Variants in RPS6KA2 observed in about 807,000 individuals in gnomAD.
The protein encoded by RPS6KA2 is ribosomal protein S6 kinase alpha-2.
In RPS6KA2, 42 loss-of-function variants were observed where a neutral mutation model predicts 91.8. That is an observed-to-expected ratio of 0.46 (90% CI 0.36 to 0.59). RPS6KA2 has a LOEUF of 0.59. RPS6KA2 is among the 20% of genes least tolerant of loss of function. RPS6KA2 has a pLI of 0.00. For missense variants in RPS6KA2, 798 were observed against 978.5 expected, an observed-to-expected ratio of 0.82 and a Z score of 2.46; for synonymous variants, 414 against 393.6, an observed-to-expected ratio of 1.05 and a Z score of -0.61.
chr6:166,518,151 G>C (rs957814083), intron 3 of RPS6KA2, among the ~76,000 whole-genome samples: 5 of 151,282 alleles, frequency 3.3e-5, no homozygotes, highest in African/African-American at 1.2e-4. Context: ...GCCAGGAATG[G>C]TGGTGTGCAC....
At chr6:166,590,461 G>C (rs1562327693) in intron 1 of RPS6KA2, among the ~76,000 whole-genome samples, 2 of 152,204 alleles carry the variant, frequency 1.3e-5, no homozygotes, top group Non-Finnish European at 2.9e-5. Context: ...GCCTGGCGAG[G>C]AGCATGACTT....
At position 166,668,592 on chromosome 6, in the gene RPS6KA2, C is replaced by T. The variant is rs567577399; in HGVS notation, c.124-129808G>A. 2.6e-5 allele frequency among the ~76,000 whole-genome samples: 4 copies of T among 152,206 alleles called. No individual in the cohort carries two copies. In the South Asian group the frequency reaches 8.3e-4, roughly 32 times the overall value. ...AGATGGTAACTGCAGGGAAGCAGCT[C>T]CTTAGACCGAGGGAAGAGGGTGGTG... On this transcript the variant is annotated intron_variant, in intron 2 of 21. Transcript: ENST00000503859.
intron 14 of RPS6KA2, chr6:166,440,060 C>T (rs1779470896): frequency 6.6e-6 from 1 of 152,198 alleles, no homozygotes; most frequent in Admixed American, 6.5e-5. Context: ...TGGACTTTAG[C>T]CCAGTGAGAC....
At chr6:166,689,772 G>A (rs532318294) in intron 2 of RPS6KA2, among the ~76,000 whole-genome samples, 1 of 152,366 alleles carries the variant, frequency 6.6e-6, no homozygotes, top group South Asian at 2.1e-4. Context: ...CTGTAGCTGA[G>A]TGAAGACAGC....
intron 12 of RPS6KA2, among the ~76,000 whole-genome samples, chr6:166,454,687 C>T (rs1780033050): frequency 6.6e-6 from 1 of 152,080 alleles, no homozygotes; most frequent in African/African-American, 2.4e-5. Flanking sequence ...GTAATGATTG[C>T]AGTGTGAGTC....
chr6:166,706,822 A>C, intron 2 of RPS6KA2, among the ~76,000 whole-genome samples: 1 of 152,240 alleles, frequency 6.6e-6, no homozygotes, highest in East Asian at 1.9e-4. Flanking sequence ...AGAGGGTGGG[A>C]TCGGGAGGAA....
intron 2 of RPS6KA2, among the ~76,000 whole-genome samples, chr6:166,773,236 G>T (rs2128607506): frequency 6.6e-6 from 1 of 152,334 alleles, no homozygotes. Flanking sequence ...GGTTGGAGAA[G>T]GAGGCAGGGA....
rs1464068029 is a variant in RPS6KA2 at position 166,554,545 on chromosome 6, C to G, written c.100-15761G>C. Among the ~76,000 whole-genome samples, 1 of 152,188 alleles carries G rather than the reference C, an allele frequency of 6.6e-6. No individual in the cohort carries two copies. Among genetic ancestry groups the G allele is most frequent in the African/African-American group, 2.4e-5 (1 of 41,446 alleles). The stretch of plus-strand genomic sequence containing the variant: ...CTGTGTGGGGACAGAGAGAAACATT[C>G]AGGGACAAAACCTAAGTCACGAGGT... On this transcript the variant is annotated intron_variant, in intron 1 of 20. Coordinates refer to ENST00000265678, the MANE Select transcript of RPS6KA2 (RefSeq NM_021135.6). This position sits in a 1 kb window ranked among gnomAD's most constrained non-coding sequence, Gnocchi z 4.3.
At chr6:166,857,076 G>A (rs945560044) in intron 2 of RPS6KA2, among the ~76,000 whole-genome samples, 3 of 152,158 alleles carry the variant, frequency 2.0e-5, no homozygotes, top group Non-Finnish European at 4.4e-5. Context: ...TTAACCAGTG[G>A]GCTATGTCAT....
At chr6:166,584,669 T>A (rs543220996) in intron 1 of RPS6KA2, among the ~76,000 whole-genome samples, 40 of 152,366 alleles carry the variant, frequency 2.6e-4, no homozygotes, top group Non-Finnish European at 5.0e-4. Context: ...GTGATTGTGA[T>A]CTTTTGCACT....
chr6:166,797,480 AG>A (rs1357263748), intron 2 of RPS6KA2, among the ~76,000 whole-genome samples: 4 of 152,206 alleles, frequency 2.6e-5, no homozygotes, highest in African/African-American at 9.7e-5. Context: ...TAACATAAAC[AG>A]CCTATTCACA....
At chr6:166,518,039 A>T (rs1007051004) in intron 3 of RPS6KA2, among the ~76,000 whole-genome samples, 14 of 152,088 alleles carry the variant, frequency 9.2e-5, no homozygotes, top group Admixed American at 2.0e-4. Context: ...GTGTGTCTTT[A>T]ATTCCTCTAG....
rs62438441 is a variant in RPS6KA2, at chr6:166,449,874, C to A, written c.1207-1025G>T. Among the ~76,000 whole-genome samples the A allele has an allele frequency of 3.8e-3, 462 of 122,752 alleles. 4 individuals carry two copies. The highest frequency in any genetic ancestry group is 0.012 in the African/African-American group (422 of 34,636). 80.5% of individuals were successfully genotyped at this position (122,752 alleles called of 152,430 possible). On this transcript the variant is annotated intron_variant, in intron 13 of 20. Transcript: ENST00000265678. ...GAGGACCACCATGGGAACCACCACG[C>A]GGACCACCATGGGACAACCACGAGG...
chr6:166,478,176 G>T (rs753787330), intron 10 of RPS6KA2, among the ~76,000 whole-genome samples: 11 of 152,228 alleles, frequency 7.2e-5, no homozygotes, highest in Non-Finnish European at 1.5e-4. Flanking sequence ...ACCTCAGAGG[G>T]AGTGGCAGAG....
At chr6:166,764,501 A>G (rs1434098906) in intron 2 of RPS6KA2, among the ~76,000 whole-genome samples, 2 of 152,040 alleles carry the variant, frequency 1.3e-5, no homozygotes, top group African/African-American at 4.8e-5. Context: ...AAGGAGTGAA[A>G]TCCAGCCACA....
chr6:166,468,856 T>TAAA (rs1554277712), intron 11 of RPS6KA2, among the ~76,000 whole-genome samples: 1 of 112,184 alleles, frequency 8.9e-6, no homozygotes, highest in Admixed American at 8.9e-5. Context: ...AGAGCGAGAC[T>TAAA]AAAAAAAAAA....
intron 4 of RPS6KA2, chr6:166,509,397 CCAGCCTCTG>C (rs1782383888): frequency 5.9e-6 from 1 of 170,240 alleles, no homozygotes; most frequent in Non-Finnish European, 1.5e-5. Context: ...TTTTGGAAAG[CCAGCCTCTG>C]CAGCCTCCTC....
At chr6:166,805,166 T>G (rs775704239) in intron 2 of RPS6KA2, among the ~76,000 whole-genome samples, 2 of 152,234 alleles carry the variant, frequency 1.3e-5, no homozygotes, top group Non-Finnish European at 2.9e-5. Flanking sequence ...CAATTTTACC[T>G]CTTGGCGTAG....
intron 1 of RPS6KA2, among the ~76,000 whole-genome samples, chr6:166,625,111 C>G (rs1448083756): frequency 6.6e-6 from 1 of 152,162 alleles, no homozygotes; most frequent in African/African-American, 2.4e-5. Context: ...GCATTACAGG[C>G]ATGAGCCACT....
Sources: gnomAD v4.1 joint callset for allele counts (sites outside exome capture counted in the v4.1 genomes callset) on GRCh38, gnomAD v4.1.1 for gene constraint, Gnocchi (gnomAD v3.1) non-coding constraint, MANE v1.5 for transcripts, NCBI Gene and HGNC (gene_info 2026-07-23, HGNC 2026-07-21) for gene names.